Variants in UTRN observed in about 807,000 individuals in gnomAD.
The protein encoded by UTRN is dystrophin-related protein 1.
In UTRN, 283 loss-of-function variants were observed where a neutral mutation model predicts 463.9. That is an observed-to-expected ratio of 0.61 (90% CI 0.55 to 0.67). The LOEUF (loss-of-function observed/expected upper bound fraction) is 0.67. Ranked by LOEUF, UTRN falls within the 30% of genes least tolerant of loss-of-function variation. The probability of loss-of-function intolerance (pLI) is 0.00; values close to 1 mark genes in which losing one functional copy is unlikely to be tolerated. For missense variants in UTRN, 3,922 were observed against 4,084.3 expected, an observed-to-expected ratio of 0.96 and a Z score of 1.08; for synonymous variants, 1,442 against 1,431.5, an observed-to-expected ratio of 1.01 and a Z score of -0.17.
intron 51 of UTRN, among the ~76,000 whole-genome samples, chr6:144,597,552 C>G (rs1170846149): frequency 6.6e-6 from 1 of 152,130 alleles, no homozygotes; most frequent in Admixed American, 6.5e-5. Context: ...TTTAACAAGG[C>G]TTGCAACTGA....
At chr6:144,393,361 C>G (rs2114771831) in intron 2 of UTRN, among the ~76,000 whole-genome samples, 1 of 152,310 alleles carries the variant, frequency 6.6e-6, no homozygotes, top group East Asian at 1.9e-4. Context: ...CATGGAAATT[C>G]TTTTGGAAGT....
At chr6:144,764,834 T>C (rs1175827249) in intron 58 of UTRN, among the ~76,000 whole-genome samples, 1 of 152,142 alleles carries the variant, frequency 6.6e-6, no homozygotes, top group Non-Finnish European at 1.5e-5. Context: ...TTTTTTTTAA[T>C]AAAAAGCTAA....
chr6:144,578,501 GT>G (rs1362554999), intron 51 of UTRN, among the ~76,000 whole-genome samples: 1 of 151,960 alleles, frequency 6.6e-6, no homozygotes, highest in African/African-American at 2.4e-5. Context: ...TGCCTGGCTA[GT>G]TTTTGTATTT....
intron 2 of UTRN, among the ~76,000 whole-genome samples, chr6:144,297,336 A>G (rs907432224): frequency 6.6e-6 from 1 of 152,214 alleles, no homozygotes. Flanking sequence ...CCTCCTGAAA[A>G]TCTGCTATGT....
intron 51 of UTRN, among the ~76,000 whole-genome samples, chr6:144,614,325 G>A (rs913328089): frequency 6.6e-6 from 1 of 152,028 alleles, no homozygotes; most frequent in African/African-American, 2.4e-5. Context: ...AGCAAATGAA[G>A]AAGAAACAAG....
At chr6:144,576,500 T>A (rs766118263) in intron 50 of UTRN, among the ~76,000 whole-genome samples, 9 of 152,196 alleles carry the variant, frequency 5.9e-5, no homozygotes, top group Non-Finnish European at 1.2e-4. Context: ...CCAACTTGTA[T>A]ATATATGAAT....
intron 74 of UTRN, among the ~76,000 whole-genome samples, chr6:144,849,517 C>T (rs892177036): frequency 2.6e-5 from 4 of 152,156 alleles, no homozygotes; most frequent in Admixed American, 2.0e-4. Flanking sequence ...CCCAGTTGTA[C>T]AGCAACTTAG....
chr6:144,812,234 G>C (rs1778683052), intron 65 of UTRN, among the ~76,000 whole-genome samples: 1 of 152,202 alleles, frequency 6.6e-6, no homozygotes. Flanking sequence ...AGGTTATTTG[G>C]TAGCATTGTA....
At chr6:144,747,040 C>A (rs1054680526) in intron 54 of UTRN, among the ~76,000 whole-genome samples, 1 of 152,170 alleles carries the variant, frequency 6.6e-6, no homozygotes, top group African/African-American at 2.4e-5. Flanking sequence ...ATAAAGCAGG[C>A]AGACCAATTT....
chr6:144,612,910 A>C (rs766221546), intron 51 of UTRN, among the ~76,000 whole-genome samples: 12 of 152,134 alleles, frequency 7.9e-5, no homozygotes, highest in Non-Finnish European at 1.3e-4. Context: ...TCTCACGTTC[A>C]TTGTAGCATT....
intron 8 of UTRN, 69 bp downstream of exon 8, chr6:144,428,962 T>C: frequency 9.8e-7 from 1 of 1,018,606 alleles, no homozygotes; most frequent in Middle Eastern, 2.2e-4. Context: ...AAGCAGTGTT[T>C]CTTTGTCCTT....
At chr6:144,701,901 C>T (rs910138859) in intron 53 of UTRN, among the ~76,000 whole-genome samples, 2 of 151,520 alleles carry the variant, frequency 1.3e-5, no homozygotes, top group African/African-American at 4.9e-5. Context: ...GAAATAGCTC[C>T]AAGATAAGAA....
At chr6:144,819,877 GCCTCCT>G (rs535515378) in intron 65 of UTRN, among the ~76,000 whole-genome samples, 14,900 of 127,224 alleles carry the variant, frequency 0.12, 1,497 homozygotes, top group Admixed American at 0.33. Context: ...CTCCTCCGCC[GCCTCCT>G]CCTCCTCCTC....
intron 34 of UTRN, 76 bp downstream of exon 34, chr6:144,499,503 A>T: frequency 7.7e-7 from 1 of 1,293,284 alleles, no homozygotes; most frequent in African/African-American, 1.5e-5. Flanking sequence ...CTGGTTGGAT[A>T]CCATGTCCCT....
At chr6:144,488,475 T>A (rs936335830) in intron 29 of UTRN, among the ~76,000 whole-genome samples, 198 bp from the exon 30 acceptor site, 1 of 152,166 alleles carries the variant, frequency 6.6e-6, no homozygotes, top group Admixed American at 6.5e-5. Flanking sequence ...AAGTAATAAT[T>A]AGTAATTCAG....
chr6:144,516,992 T>G lies in UTRN; in HGVS notation c.5541+44T>G, dbSNP rs116941390. Reference sequence around the variant, plus strand: ...CTCTGTTGCATTTAAATACCTTACTTAACTCTTGCCATTCAGATGTGTGAT... The same window carrying G: ...CTCTGTTGCATTTAAATACCTTACTGAACTCTTGCCATTCAGATGTGTGAT... On this transcript the variant is annotated intron_variant, in intron 39 of 74. Coordinates refer to ENST00000367545, the MANE Select transcript of UTRN (RefSeq NM_007124.3). 9,365 of 1,380,958 alleles carry G rather than the reference T, an allele frequency of 6.8e-3. 43 individuals are homozygous for G. The highest frequency in any genetic ancestry group is 0.012 in the Middle Eastern group (44 of 3,556). The allele number at this position is 1,380,958 out of a possible 1,614,324, so 85.5% of individuals were successfully genotyped here.
chr6:144,555,972 T>G (rs1799343788), intron 49 of UTRN, among the ~76,000 whole-genome samples: 1 of 152,258 alleles, frequency 6.6e-6, no homozygotes, highest in Admixed American at 6.5e-5. Flanking sequence ...AACCAAACTG[T>G]TTTATCAATT....
intron 2 of UTRN, among the ~76,000 whole-genome samples, chr6:144,294,311 A>T (rs2114515485): frequency 6.6e-6 from 1 of 152,236 alleles, no homozygotes; most frequent in Non-Finnish European, 1.5e-5. Flanking sequence ...ATTTGAATGG[A>T]CCCATTAGTC....
At chr6:144,813,811 G>T (rs375641061) in intron 65 of UTRN, among the ~76,000 whole-genome samples, 1 of 152,194 alleles carries the variant, frequency 6.6e-6, no homozygotes, top group Admixed American at 6.5e-5. Context: ...ACCTGGAAGG[G>T]TTTTGCCATG....
Sources: allele counts gnomAD v4.1 joint callset (sites outside exome capture counted in the v4.1 genomes callset), GRCh38; gene constraint gnomAD v4.1.1; transcripts MANE v1.5; gene names NCBI Gene and HGNC (gene_info 2026-07-23, HGNC 2026-07-21).